The following AGBL4 variants were observed in gnomAD, a reference collection of about 807,000 sequenced individuals.
AGBL4 encodes cytosolic carboxypeptidase 6.
A neutral mutation model predicts 66.4 loss-of-function variants in AGBL4; 58 were observed. The ratio of observed to expected loss-of-function variants is 0.87; its 90% CI spans 0.71 to 1.09. The LOEUF is 1.09. Ranked by LOEUF, AGBL4 falls within the 50% of genes least tolerant of loss-of-function variation. AGBL4 has a pLI of 0.00. For synonymous variants in AGBL4, 234 were observed against 222.9 expected (o/e 1.05, Z -0.44); for missense variants, 579 against 631.0 (o/e 0.92, Z 0.88).
At chr1:49,793,272 A>G (rs1644647658) in intron 2 of AGBL4, among the ~76,000 whole-genome samples, 1 of 151,996 alleles carries the variant, frequency 6.6e-6, no homozygotes, top group South Asian at 2.1e-4. Flanking sequence ...ATTTCTTTGG[A>G]TAATTCTTAT....
At chr1:49,645,186 T>G (rs1365574010) in intron 3 of AGBL4, among the ~76,000 whole-genome samples, 1 of 151,200 alleles carries the variant, frequency 6.6e-6, no homozygotes, top group Non-Finnish European at 1.5e-5. Flanking sequence ...TGGTAAGAGG[T>G]AGAAAGAGGA....
rs564148322 is a variant in AGBL4 at position 50,020,327 on chromosome 1, G to T, written c.34+3436C>A. Among the ~76,000 whole-genome samples, 13 of 152,126 alleles carry T rather than the reference G, an allele frequency of 8.5e-5. No homozygotes were observed. In the South Asian group the frequency reaches 2.7e-3, roughly 32 times the overall value. On this transcript the variant is annotated intron_variant, in intron 1 of 13. Coordinates refer to ENST00000371839, the MANE Select transcript of AGBL4 (RefSeq NM_032785.4). ...AATTTTTTATATTCAAGCTTCAAGT[G>T]AACTACGGACATAACATTTATTGGA...
At position 49,337,474 on chromosome 1, in the gene AGBL4, T is replaced by C. The variant is rs146649873; in HGVS notation, c.283-91610A>G. On this transcript the variant is annotated intron_variant, in intron 3 of 13. Transcript: ENST00000371839. ...CTGCTTGGCAAAGTTAGCCCTCATATTGGCAGTCAGGATTGTCAGTTAACA... is the reference window on the plus strand; with the variant it reads ...CTGCTTGGCAAAGTTAGCCCTCATACTGGCAGTCAGGATTGTCAGTTAACA... 3.8e-3 allele frequency among the ~76,000 whole-genome samples: 582 copies of C among 152,318 alleles called. 1 individual carries two copies. Among genetic ancestry groups the C allele is most frequent in the Non-Finnish European group, 5.2e-3 (353 of 68,024 alleles).
At chr1:49,429,568 C>A (rs1224384955) in intron 3 of AGBL4, among the ~76,000 whole-genome samples, 1 of 152,124 alleles carries the variant, frequency 6.6e-6, no homozygotes, top group African/African-American at 2.4e-5. Flanking sequence ...TTCAGGTTCT[C>A]ATCTTTTCTT....
chr1:49,571,229 C>A (rs925142278), intron 3 of AGBL4, among the ~76,000 whole-genome samples: 3 of 151,720 alleles, frequency 2.0e-5, no homozygotes, highest in Non-Finnish European at 4.4e-5. Context: ...CCAGAAGATG[C>A]CTTTTTCATT....
chr1:49,190,975 A>G (rs1023802222), intron 4 of AGBL4, among the ~76,000 whole-genome samples: 11 of 152,222 alleles, frequency 7.2e-5, no homozygotes, highest in African/African-American at 2.7e-4. Context: ...GGAAATATCC[A>G]TAAAGGGTTC....
chr1:48,759,246 C>G (rs780671877), intron 6 of AGBL4: 1 of 1,585,492 alleles, frequency 6.3e-7, no homozygotes, highest in South Asian at 1.1e-5. Flanking sequence ...CCTCGATGCT[C>G]TTGTGCGCCA....
intron 3 of AGBL4, among the ~76,000 whole-genome samples, chr1:49,392,000 T>A (rs2148593816): frequency 6.6e-6 from 1 of 152,270 alleles, no homozygotes; most frequent in South Asian, 2.1e-4. Flanking sequence ...TAACCTCTCT[T>A]CTGAGCACTG....
chr1:48,677,288 A>G (rs1557872616), intron 6 of AGBL4, among the ~76,000 whole-genome samples: 1 of 152,244 alleles, frequency 6.6e-6, no homozygotes. Context: ...GCTTCCTGCA[A>G]GTAGATTGGA....
At chr1:49,803,004 A>G (rs1260972127) in intron 2 of AGBL4, among the ~76,000 whole-genome samples, 2 of 151,884 alleles carry the variant, frequency 1.3e-5, no homozygotes, top group African/African-American at 2.4e-5. Context: ...AAGAACCTTC[A>G]TAAGTTAAAT....
At chr1:48,749,746 CTG>C (rs957546995) in intron 6 of AGBL4, among the ~76,000 whole-genome samples, 4 of 152,228 alleles carry the variant, frequency 2.6e-5, no homozygotes, top group Non-Finnish European at 4.4e-5. Flanking sequence ...CCAGGGAAAA[CTG>C]GACTGGTTCT....
At chr1:49,916,142 A>G (rs1176094283) in intron 1 of AGBL4, among the ~76,000 whole-genome samples, 1 of 152,202 alleles carries the variant, frequency 6.6e-6, no homozygotes, top group African/African-American at 2.4e-5. Context: ...GAAAAAACAG[A>G]GCAGAAAAGC....
chr1:49,820,255 C>T (rs1405459229), intron 2 of AGBL4, among the ~76,000 whole-genome samples: 11 of 152,080 alleles, frequency 7.2e-5, no homozygotes, highest in Admixed American at 7.2e-4. Flanking sequence ...AGAAGGAAAT[C>T]CAGAGTCAGA....
At chr1:48,764,874 T>A (rs1295662806) in intron 6 of AGBL4, among the ~76,000 whole-genome samples, 3 of 152,226 alleles carry the variant, frequency 2.0e-5, no homozygotes, top group Non-Finnish European at 4.4e-5. Context: ...GACTGCCTGC[T>A]GGCTTCTGCT....
chr1:48,740,886 T>A (rs1006797610), intron 6 of AGBL4, among the ~76,000 whole-genome samples: 1 of 152,200 alleles, frequency 6.6e-6, no homozygotes, highest in Non-Finnish European at 1.5e-5. Context: ...AAACTCTCTC[T>A]GCCTGACTAC....
intron 6 of AGBL4, among the ~76,000 whole-genome samples, chr1:48,751,967 C>G (rs994662396): frequency 2.0e-5 from 3 of 152,180 alleles, no homozygotes; most frequent in Admixed American, 2.0e-4. Context: ...CAAAAAAAGT[C>G]CTTCAAAGTA....
At chr1:49,015,477 C>T (rs1662746591) in intron 5 of AGBL4, among the ~76,000 whole-genome samples, 1 of 145,140 alleles carries the variant, frequency 6.9e-6, no homozygotes, top group Admixed American at 7.0e-5. Flanking sequence ...GGCTGGAGTG[C>T]AGTGGCGCGA....
chr1:49,220,730 T>C (rs1649431186), intron 4 of AGBL4, among the ~76,000 whole-genome samples: 2 of 152,056 alleles, frequency 1.3e-5, no homozygotes, highest in South Asian at 2.1e-4. Context: ...CACAAAGATA[T>C]AGGTTTGCAT....
chr1:49,674,966 A>T (rs1646551748), intron 3 of AGBL4, among the ~76,000 whole-genome samples: 1 of 152,204 alleles, frequency 6.6e-6, no homozygotes, highest in Non-Finnish European at 1.5e-5. Context: ...CACTGAGATA[A>T]GAAATTAGAA....
Sources: gnomAD v4.1 joint callset for allele counts (sites outside exome capture counted in the v4.1 genomes callset) on GRCh38, gnomAD v4.1.1 for gene constraint, MANE v1.5 for transcripts, NCBI Gene and HGNC (gene_info 2026-07-23, HGNC 2026-07-21) for gene names.